The following PTK2B variants were observed in gnomAD, a reference collection of about 807,000 sequenced individuals.
PTK2B encodes protein-tyrosine kinase 2-beta.
Under a neutral mutation model 142.9 loss-of-function variants are expected in PTK2B, and 71 were observed. The ratio of observed to expected loss-of-function variants is 0.50; its 90% CI spans 0.41 to 0.61. The LOEUF (loss-of-function observed/expected upper bound fraction) is 0.61. Ranked by LOEUF, PTK2B falls within the 20% of genes least tolerant of loss-of-function variation. PTK2B has a pLI of 0.00. For missense variants in PTK2B, 1,105 were observed against 1,320.4 expected (o/e 0.84, Z 2.53); for synonymous variants, 519 against 503.4 (o/e 1.03, Z -0.42).
intron 1 of PTK2B, among the ~76,000 whole-genome samples, chr8:27,386,286 A>G (rs879671067): frequency 2.6e-5 from 4 of 152,174 alleles, no homozygotes; most frequent in Non-Finnish European, 5.9e-5. Flanking sequence ...CAAATGCTTC[A>G]CACCCCTCGC....
intron 24 of PTK2B, among the ~76,000 whole-genome samples, chr8:27,450,242 T>C (rs1230983492): frequency 6.6e-6 from 1 of 152,170 alleles, no homozygotes; most frequent in East Asian, 1.9e-4. Flanking sequence ...AGCACCCCTG[T>C]CTCTCGAAGC....
intron 3 of PTK2B, among the ~76,000 whole-genome samples, chr8:27,316,797 G>A (rs559507632): frequency 6.6e-6 from 1 of 152,298 alleles, no homozygotes; most frequent in Non-Finnish European, 1.5e-5. Context: ...AAGTAACTAG[G>A]GAAACACTGA....
intron 1 of PTK2B, among the ~76,000 whole-genome samples, chr8:27,377,204 C>G (rs1400085654): frequency 6.6e-6 from 1 of 152,080 alleles, no homozygotes; most frequent in Non-Finnish European, 1.5e-5. Context: ...GTTGTTTTTG[C>G]CAAAAGGGGC....
chr8:27,451,144 C>T, intron 26 of PTK2B, 66 bp downstream of exon 26: 3 of 1,544,670 alleles, frequency 1.9e-6, no homozygotes, highest in East Asian at 2.2e-5. Flanking sequence ...CACCATAGGA[C>T]CCCCCGCCCA....
At chr8:27,416,887 C>A (rs1809433687) in intron 2 of PTK2B, among the ~76,000 whole-genome samples, 1 of 152,128 alleles carries the variant, frequency 6.6e-6, no homozygotes, top group South Asian at 2.1e-4. Context: ...CAGAGAGATG[C>A]AAATTACAAG....
chr8:27,434,535 C>T lies in PTK2B; in HGVS notation c.1168C>T (p.His390Tyr). ...PMLNLEARRS[H>Y]LSESCSIESD... is the part of the protein sequence containing the mutation. Reference sequence around the variant, plus strand: ...CAGAAACCTGGAGGCCCGGCGGTCCCACCTCTCAGAGAGCTGCAGCATAGG... The same window carrying T: ...CAGAAACCTGGAGGCCCGGCGGTCCTACCTCTCAGAGAGCTGCAGCATAGG... The change falls in exon 13 of 31, where the codon CAC becomes TAC. Residue 390 changes from histidine (H) to tyrosine (Y), a missense_variant. His to Tyr is a moderately conservative substitution (Grantham distance 83). Coordinates refer to ENST00000346049, the MANE Select transcript of PTK2B (RefSeq NM_173176.3). The T allele has an allele frequency of 6.2e-7, 1 of 1,608,604 alleles. No individual in the cohort carries two copies. The highest frequency in any genetic ancestry group is 8.5e-7 in the Non-Finnish European group (1 of 1,177,742).
chr8:27,336,175 C>G (rs1366030688), intron 1 of PTK2B, among the ~76,000 whole-genome samples: 1 of 152,060 alleles, frequency 6.6e-6, no homozygotes, highest in Non-Finnish European at 1.5e-5. Flanking sequence ...ATTTGAACTC[C>G]CTGAAAGAAG....
intron 2 of PTK2B, among the ~76,000 whole-genome samples, chr8:27,403,515 A>G (rs1808503318): frequency 1.3e-5 from 2 of 152,230 alleles, no homozygotes; most frequent in African/African-American, 4.8e-5. Flanking sequence ...GCAGAGAACA[A>G]TGAGAAATTG....
chr8:27,417,251 T>C (rs190845716), intron 2 of PTK2B, among the ~76,000 whole-genome samples: 15 of 152,334 alleles, frequency 9.8e-5, no homozygotes, highest in African/African-American at 2.9e-4. Context: ...ACATTACCGA[T>C]TGATAAGTAG....
In PTK2B at chr8:27,449,383, C is replaced by T. The variant is rs529490332; in HGVS notation, c.2341-1366C>T. Among the ~76,000 whole-genome samples the T allele has an allele frequency of 3.3e-5, 5 of 152,332 alleles. No individual in the cohort carries two copies. The East Asian group carries it at 9.6e-4, about 29-fold the overall frequency. On this transcript the variant is annotated intron_variant, in intron 24 of 30. Coordinates refer to ENST00000346049, the MANE Select transcript of PTK2B (RefSeq NM_173176.3). Reference sequence around the variant, plus strand: ...GAAGCTCAGTGTGCACTAAGTAAAACATCCCAATATAACCACTTTTAGACC... The same window carrying T: ...GAAGCTCAGTGTGCACTAAGTAAAATATCCCAATATAACCACTTTTAGACC...
chr8:27,395,618 G>A (rs904086175), intron 1 of PTK2B, among the ~76,000 whole-genome samples: 2 of 152,134 alleles, frequency 1.3e-5, no homozygotes, highest in African/African-American at 2.4e-5. Flanking sequence ...GCTCTCCCTT[G>A]TGCAGAACTG....
chr8:27,326,237 T>A (rs1586079746), intron 1 of PTK2B, among the ~76,000 whole-genome samples: 1 of 151,514 alleles, frequency 6.6e-6, no homozygotes, highest in Non-Finnish European at 1.5e-5. Flanking sequence ...TGTGTGTGTG[T>A]GTGTGTGTGT....
At chr8:27,398,513 C>T (rs1808198017) in intron 2 of PTK2B, among the ~76,000 whole-genome samples, 1 of 152,176 alleles carries the variant, frequency 6.6e-6, no homozygotes, top group African/African-American at 2.4e-5. Context: ...GGAGCCTGGG[C>T]CAATCCCTCT....
intron 2 of PTK2B, among the ~76,000 whole-genome samples, chr8:27,414,306 G>T (rs922356108): frequency 6.6e-6 from 1 of 151,626 alleles, no homozygotes; most frequent in Non-Finnish European, 1.5e-5. Flanking sequence ...GTTCAGTGGC[G>T]CAATCTCTGC....
chr8:27,388,473 T>G (rs1807508472), intron 1 of PTK2B, among the ~76,000 whole-genome samples: 2 of 152,232 alleles, frequency 1.3e-5, no homozygotes, highest in African/African-American at 2.4e-5. Flanking sequence ...CCCATGCACC[T>G]TGTACATTGT....
chr8:27,457,129 A>T (rs550176155), intron 30 of PTK2B, among the ~76,000 whole-genome samples: 1 of 152,236 alleles, frequency 6.6e-6, no homozygotes, highest in African/African-American at 2.4e-5. Flanking sequence ...ACAACTTTCT[A>T]TTGGAAGCAG....
intron 28 of PTK2B, among the ~76,000 whole-genome samples, chr8:27,453,810 G>A (rs548297773): frequency 7.9e-5 from 12 of 152,264 alleles, no homozygotes; most frequent in African/African-American, 2.9e-4. Context: ...GGAGGTCAAG[G>A]CATTAGTGAG....
chr8:27,352,131 A>G (rs568051520), intron 1 of PTK2B, among the ~76,000 whole-genome samples: 55 of 152,150 alleles, frequency 3.6e-4, no homozygotes, highest in Non-Finnish European at 6.2e-4. Context: ...CTGACCAAAC[A>G]CCCTTCTGCT....
chr8:27,458,991 G>A lies in PTK2B; in HGVS notation c.*482G>A, dbSNP rs1385547141. ...GCCAGTGAGATGAGGGATGGGCCTG[G>A]CATTCTTGTACAGTGTATATTGAAA... On this transcript the variant is annotated 3_prime_UTR_variant, in exon 31 of 31. Transcript: ENST00000346049. 1 of 316,006 alleles carries A rather than the reference G, an allele frequency of 3.2e-6. No individual in the cohort carries two copies. The highest frequency in any genetic ancestry group is 5.0e-5 in the East Asian group (1 of 20,058). 19.6% of individuals were successfully genotyped at this position (316,006 alleles called of 1,614,324 possible).
Sources: allele counts gnomAD v4.1 joint callset (sites outside exome capture counted in the v4.1 genomes callset), GRCh38; gene constraint gnomAD v4.1.1; transcripts MANE v1.5; gene names NCBI Gene and HGNC (gene_info 2026-07-23, HGNC 2026-07-21).